The following MMD2 variants were observed in gnomAD, a reference collection of about 807,000 sequenced individuals.
MMD2 encodes monocyte to macrophage differentiation factor 2.
MMD2 carries 30 observed loss-of-function variants against 33.5 expected under a neutral mutation model. The observed-to-expected ratio is 0.90, with a 90% CI of 0.67 to 1.22. The LOEUF (loss-of-function observed/expected upper bound fraction) is 1.22, where lower values mean the gene tolerates loss of function less well. Ranked by LOEUF, MMD2 falls within the 50% of genes most tolerant of loss-of-function variation. The probability of loss-of-function intolerance (pLI) is 0.00; values close to 1 mark genes in which losing one functional copy is unlikely to be tolerated. For missense variants in MMD2, 364 were observed against 325.4 expected, an observed-to-expected ratio of 1.12 and a Z score of -0.91; for synonymous variants, 129 against 123.0, an observed-to-expected ratio of 1.05 and a Z score of -0.32.
At chr7:4,957,918 C>G (rs55881424) in intron 1 of MMD2, among the ~76,000 whole-genome samples, 8,389 of 152,224 alleles carry the variant, frequency 0.055, 768 homozygotes, top group African/African-American at 0.19. Flanking sequence ...CTCAATATGA[C>G]CAGAACTTGT....
chr7:4,897,020 C>T, the MMD2 span, among the ~76,000 whole-genome samples: 15 of 151,850 alleles, frequency 9.9e-5, 1 homozygote, highest in African/African-American at 2.7e-4. Context: ...CAACCACAGC[C>T]GGCTAATTTT....
chr7:4,942,795 T>C (rs1323435163), intron 1 of MMD2, among the ~76,000 whole-genome samples: 1 of 151,512 alleles, frequency 6.6e-6, no homozygotes. Context: ...TGTTTGTTTT[T>C]TAGTAGAGAC....
At chr7:4,949,502 A>G (rs1786180981) in intron 1 of MMD2, among the ~76,000 whole-genome samples, 1 of 151,798 alleles carries the variant, frequency 6.6e-6, no homozygotes, top group African/African-American at 2.4e-5. Context: ...TGTTGCTGCA[A>G]ATGACAGAAT....
intron 3 of MMD2, 128 bp downstream of exon 3, chr7:4,920,043 C>T: frequency 8.7e-7 from 1 of 1,144,476 alleles, no homozygotes; most frequent in Non-Finnish European, 1.2e-6. Context: ...TCGCCCAGCC[C>T]AGCCCCTCCC....
intron 2 of MMD2, among the ~76,000 whole-genome samples, chr7:4,924,061 G>T (rs1169090255): frequency 6.6e-6 from 1 of 152,104 alleles, no homozygotes; most frequent in Non-Finnish European, 1.5e-5. Context: ...GCTTGGTGGC[G>T]GGCGCCTGTA....
intron 1 of MMD2, among the ~76,000 whole-genome samples, chr7:4,953,316 A>G (rs1400732864): frequency 6.6e-6 from 1 of 151,426 alleles, no homozygotes; most frequent in African/African-American, 2.4e-5. Context: ...GGCAGCTGGA[A>G]ACACCATCAA....
chr7:4,902,020 C>T (rs369558003), downstream of MMD2, among the ~76,000 whole-genome samples: 170 of 152,258 alleles, frequency 1.1e-3, 1 homozygote, highest in African/African-American at 3.9e-3. Flanking sequence ...GGCGCAATCT[C>T]GGCTCATTGC....
At chr7:4,950,694 A>T (rs1454685649) in intron 1 of MMD2, among the ~76,000 whole-genome samples, 1 of 149,126 alleles carries the variant, frequency 6.7e-6, no homozygotes, top group Non-Finnish European at 1.5e-5. Flanking sequence ...TCCTTTTTAA[A>T]GCTAAATTTC....
chr7:4,955,591 C>A (rs1006959721), intron 1 of MMD2, among the ~76,000 whole-genome samples: 1 of 152,144 alleles, frequency 6.6e-6, no homozygotes, highest in Non-Finnish European at 1.5e-5. Context: ...TGTAAAATAT[C>A]TCCTAAATAA....
At chr7:4,929,611 G>C (rs1156878564) in intron 1 of MMD2, among the ~76,000 whole-genome samples, 1 of 151,900 alleles carries the variant, frequency 6.6e-6, no homozygotes, top group African/African-American at 2.4e-5. Flanking sequence ...TGCAACCTCT[G>C]CCTCCCGGGT....
At chr7:4,951,154 C>G (rs1583402731) in intron 1 of MMD2, among the ~76,000 whole-genome samples, 1 of 152,182 alleles carries the variant, frequency 6.6e-6, no homozygotes, top group Non-Finnish European at 1.5e-5. Flanking sequence ...ACAGCTCCAG[C>G]CTGCCTGCAG....
intron 2 of MMD2, among the ~76,000 whole-genome samples, chr7:4,922,420 A>T (rs895461253): frequency 2.6e-5 from 4 of 151,960 alleles, no homozygotes; most frequent in Non-Finnish European, 5.9e-5. Flanking sequence ...AAATACAAAA[A>T]TTAGCCAGGC....
downstream of MMD2, among the ~76,000 whole-genome samples, chr7:4,901,974 T>C (rs1784800514): frequency 6.6e-6 from 1 of 152,138 alleles, no homozygotes; most frequent in South Asian, 2.1e-4. Flanking sequence ...TTTTTTGACG[T>C]GGAATCTCGC....
At chr7:4,894,409 G>T in the MMD2 span, among the ~76,000 whole-genome samples, 659 of 152,258 alleles carry the variant, frequency 4.3e-3, 5 homozygotes, top group African/African-American at 0.015. The surrounding 1 kb of genome is among the most constrained non-coding windows in gnomAD (Gnocchi z 4.3). Flanking sequence ...ACTACCCCTC[G>T]CAGGAGTAGC....
At chr7:4,913,559 A>T (rs1785066118) in intron 4 of MMD2, among the ~76,000 whole-genome samples, 1 of 151,882 alleles carries the variant, frequency 6.6e-6, no homozygotes, top group Non-Finnish European at 1.5e-5. Context: ...CTCCACTAAA[A>T]ATACAAAAAT....
chr7:4,944,461 C>A (rs2115146744), intron 1 of MMD2, among the ~76,000 whole-genome samples: 1 of 152,276 alleles, frequency 6.6e-6, no homozygotes, highest in Non-Finnish European at 1.5e-5. Context: ...CCACCCCACG[C>A]TGGATCTGTG....
Position 4,958,957 on chromosome 7 carries a change from C to G in MMD2, c.47+14G>C. 1 of 1,290,054 alleles carries G rather than the reference C, an allele frequency of 7.8e-7. No homozygotes were observed. 79.9% of individuals were successfully genotyped at this position (1,290,054 alleles called of 1,614,324 possible). On this transcript the variant is annotated intron_variant, in intron 1 of 6. Coordinates refer to ENST00000401401, the MANE Select transcript of MMD2 (RefSeq NM_198403.4). ...CTCCCTCCCTCCCCGCGGACCTCCG[C>G]GGCCGCCGCTCACCTCGCGTATTTC...
At chr7:4,924,169 G>A (rs944918327) in intron 2 of MMD2, among the ~76,000 whole-genome samples, 1 of 151,496 alleles carries the variant, frequency 6.6e-6, no homozygotes, top group African/African-American at 2.5e-5. Context: ...TCCAGCCTGG[G>A]GAACAGAGCG....
chr7:4,897,207 G>C, the MMD2 span, among the ~76,000 whole-genome samples: 5 of 103,860 alleles, frequency 4.8e-5, no homozygotes, highest in South Asian at 1.7e-3. Context: ...TTTATAAAAA[G>C]AATTGGCAGG....
Sources: allele counts gnomAD v4.1 joint callset (sites outside exome capture counted in the v4.1 genomes callset), GRCh38; gene constraint gnomAD v4.1.1; non-coding constraint Gnocchi (gnomAD v3.1); transcripts MANE v1.5; gene names NCBI Gene and HGNC (gene_info 2026-07-23, HGNC 2026-07-21).